The following KCNQ3 variants were observed in gnomAD, a reference collection of about 807,000 sequenced individuals.
KCNQ3 encodes potassium voltage-gated channel subfamily KQT member 3.
In KCNQ3, 30 loss-of-function variants were observed where a neutral mutation model predicts 92.5. The observed-to-expected ratio is 0.32, with a 90% CI of 0.24 to 0.44. KCNQ3 has a LOEUF of 0.44. Ranked by LOEUF, KCNQ3 falls within the 20% of genes least tolerant of loss-of-function variation. KCNQ3 has a pLI of 1.00. For synonymous variants in KCNQ3, 450 were observed against 468.8 expected (o/e 0.96, Z 0.52); for missense variants, 913 against 1,140.3 (o/e 0.80, Z 2.87).
intron 1 of KCNQ3, among the ~76,000 whole-genome samples, chr8:132,479,370 C>A (rs1485041622): frequency 2.0e-5 from 3 of 152,148 alleles, no homozygotes; most frequent in African/African-American, 4.8e-5. Context: ...GCAGGAGAAG[C>A]AGCAGCGACT....
At chr8:132,470,859 C>A (rs75427860) in intron 1 of KCNQ3, among the ~76,000 whole-genome samples, 3 of 152,112 alleles carry the variant, frequency 2.0e-5, no homozygotes, top group Non-Finnish European at 4.4e-5. Context: ...GAGACCATTC[C>A]AGATATCCAG....
At chr8:132,455,879 C>T (rs1005594207) in intron 1 of KCNQ3, among the ~76,000 whole-genome samples, 3 of 152,050 alleles carry the variant, frequency 2.0e-5, no homozygotes, top group Admixed American at 1.3e-4. Context: ...GTAGCTGGGA[C>T]TACAGGCACC....
At chr8:132,321,097 C>G (rs1227155784) in intron 1 of KCNQ3, among the ~76,000 whole-genome samples, 1 of 152,216 alleles carries the variant, frequency 6.6e-6, no homozygotes, top group Non-Finnish European at 1.5e-5. Flanking sequence ...GCTGAGACCA[C>G]AGCTGTAGGT....
At chr8:132,473,821 G>A (rs1296873852) in intron 1 of KCNQ3, among the ~76,000 whole-genome samples, 2 of 152,198 alleles carry the variant, frequency 1.3e-5, no homozygotes, top group Non-Finnish European at 2.9e-5. Context: ...GGCATTCAGT[G>A]TCTCCTCCAA....
chr8:132,333,879 G>A (rs2130668053), intron 1 of KCNQ3, among the ~76,000 whole-genome samples: 1 of 151,880 alleles, frequency 6.6e-6, no homozygotes, highest in African/African-American at 2.4e-5. Context: ...GATTACAGGT[G>A]CCCACCACCA....
intron 1 of KCNQ3, among the ~76,000 whole-genome samples, chr8:132,246,876 G>A (rs940281674): frequency 6.6e-6 from 1 of 152,174 alleles, no homozygotes; most frequent in African/African-American, 2.4e-5. Flanking sequence ...AGCTACACAA[G>A]ACTCTGAGTC....
At chr8:132,172,899 G>A (rs1826427628) in intron 6 of KCNQ3, among the ~76,000 whole-genome samples, 1 of 152,236 alleles carries the variant, frequency 6.6e-6, no homozygotes, top group Non-Finnish European at 1.5e-5. Context: ...GAGCCTTGAA[G>A]TCAGGAAGAC....
chr8:132,129,758 C>T lies in KCNQ3; in HGVS notation c.2123G>A (p.Ser708Asn). 1.2e-6 allele frequency: 2 copies of T among 1,614,182 alleles called. No individual in the cohort carries two copies. Among genetic ancestry groups the T allele is most frequent in the Non-Finnish European group, 1.7e-6 (2 of 1,180,030 alleles). The change falls in exon 15 of 15, where the codon AGC becomes AAC. Residue 708 changes from serine to asparagine, a missense_variant. This residue lies in a region of KCNQ3 where 375 missense variants were observed against 376.4 expected (regional missense o/e 1.00). Coordinates refer to ENST00000388996, the MANE Select transcript of KCNQ3 (RefSeq NM_004519.4). This position sits in a 1 kb window ranked among gnomAD's most constrained non-coding sequence, Gnocchi z 5.9. Reference protein sequence around the residue: ...SFHQVTIDKVSPYGFFAHDPV... With the variant: ...SFHQVTIDKVNPYGFFAHDPV... ...GTCATGTGCAAAAAACCCATAGGGG[C>T]TGACTTTGTCAATGGTCACCTGGTG...
At chr8:132,435,473 T>C (rs1821368465) in intron 1 of KCNQ3, among the ~76,000 whole-genome samples, 1 of 152,108 alleles carries the variant, frequency 6.6e-6, no homozygotes, top group South Asian at 2.1e-4. Context: ...GATATTAACC[T>C]CCATCTGTGC....
chr8:132,141,001 G>A (rs1169461180), intron 10 of KCNQ3, 128 bp downstream of exon 10: 2 of 848,442 alleles, frequency 2.4e-6, no homozygotes, highest in Non-Finnish European at 4.0e-6. Context: ...TTGGCTTGTC[G>A]AGGGAAGGGA....
chr8:132,205,005 C>T (rs1382133477), intron 1 of KCNQ3, among the ~76,000 whole-genome samples: 1 of 152,170 alleles, frequency 6.6e-6, no homozygotes, highest in Non-Finnish European at 1.5e-5. Context: ...TAATGTCCAT[C>T]CAGGAAAGCT....
chr8:132,202,419 G>A (rs1319117799), intron 1 of KCNQ3, among the ~76,000 whole-genome samples: 4 of 152,072 alleles, frequency 2.6e-5, no homozygotes. Flanking sequence ...CGGACTGGGA[G>A]CTTCCTACAT....
intron 1 of KCNQ3, among the ~76,000 whole-genome samples, chr8:132,436,678 G>A (rs577447535): frequency 6.6e-6 from 1 of 152,148 alleles, no homozygotes; most frequent in African/African-American, 2.4e-5. Context: ...GTGAGGTTTT[G>A]AGTTTGTTTC....
At chr8:132,173,063 G>C (rs981452767) in intron 6 of KCNQ3, among the ~76,000 whole-genome samples, 1 of 152,220 alleles carries the variant, frequency 6.6e-6, no homozygotes, top group Non-Finnish European at 1.5e-5. Context: ...TAAACTGCCA[G>C]TAAGGGGTAC....
chr8:132,342,171 C>T (rs1235982861), intron 1 of KCNQ3, among the ~76,000 whole-genome samples: 3 of 152,178 alleles, frequency 2.0e-5, no homozygotes, highest in Non-Finnish European at 4.4e-5. Flanking sequence ...CTAACACTCC[C>T]TAAACTCATT....
chr8:132,359,001 T>C (rs763291571), intron 1 of KCNQ3, among the ~76,000 whole-genome samples: 1 of 152,176 alleles, frequency 6.6e-6, no homozygotes, highest in Non-Finnish European at 1.5e-5. Context: ...CTGCCTCCAA[T>C]ACTCTCACTA....
At chr8:132,456,212 T>C (rs1383283127) in intron 1 of KCNQ3, among the ~76,000 whole-genome samples, 1 of 152,140 alleles carries the variant, frequency 6.6e-6, no homozygotes, top group African/African-American at 2.4e-5. Context: ...CACATTTTCA[T>C]CCACATTCTC....
At chr8:132,170,262 C>T in intron 8 of KCNQ3, 72 bp downstream of exon 8, 1 of 1,109,944 alleles carries the variant, frequency 9.0e-7, no homozygotes, top group Non-Finnish European at 1.4e-6. Context: ...CCCGTGAGGC[C>T]ACAGACACGA....
intron 1 of KCNQ3, among the ~76,000 whole-genome samples, chr8:132,407,339 A>G (rs1820518508): frequency 6.6e-6 from 1 of 152,216 alleles, no homozygotes; most frequent in African/African-American, 2.4e-5. Flanking sequence ...TCTCTAGTGG[A>G]CAAGGAGAGC....
Sources: allele counts gnomAD v4.1 joint callset (sites outside exome capture counted in the v4.1 genomes callset), GRCh38; gene constraint gnomAD v4.1.1; regional missense constraint gnomAD v4.1.1; non-coding constraint Gnocchi (gnomAD v3.1); transcripts MANE v1.5; gene names NCBI Gene and HGNC (gene_info 2026-07-23, HGNC 2026-07-21).